The following PGAP1 variants were observed in gnomAD, a reference collection of about 807,000 sequenced individuals.
PGAP1 encodes post-GPI attachment to proteins inositol deacylase 1.
In PGAP1, 76 loss-of-function variants were observed where a neutral mutation model predicts 127.0. The observed-to-expected ratio is 0.60, with a 90% CI of 0.50 to 0.72. The LOEUF is 0.72. Among genes scored for constraint, PGAP1 ranks in the 30% least tolerant of loss-of-function variants. PGAP1 has a pLI of 0.00. For synonymous variants in PGAP1, 362 were observed against 366.5 expected, an observed-to-expected ratio of 0.99 and a Z score of 0.14; for missense variants, 982 against 1,071.3, an observed-to-expected ratio of 0.92 and a Z score of 1.16.
intron 4 of PGAP1, among the ~76,000 whole-genome samples, chr2:196,911,734 T>C (rs1702827531): frequency 6.6e-6 from 1 of 151,860 alleles, no homozygotes; most frequent in Non-Finnish European, 1.5e-5. Context: ...ATAATATTCC[T>C]ATAAGCAGTG....
chr2:196,902,754 T>TA lies in PGAP1; in HGVS notation c.650-13dup. ...AGTCGTATAAAAATCTGGTGGGGAA[T>TA]AAAAAAGAGACATTAAAAAACAGTA... On this transcript the variant is annotated splice_polypyrimidine_tract_variant and intron_variant, in intron 4 of 26. Coordinates refer to ENST00000354764, the MANE Select transcript of PGAP1 (RefSeq NM_024989.4). 1 of 1,584,224 alleles carries TA rather than the reference T, an allele frequency of 6.3e-7. No homozygotes were observed.
chr2:196,886,830 T>TG (rs1377810371), intron 10 of PGAP1, among the ~76,000 whole-genome samples: 1 of 152,006 alleles, frequency 6.6e-6, no homozygotes, highest in African/African-American at 2.4e-5. Flanking sequence ...CCAGAGTAGC[T>TG]GGGACTACAG....
chr2:196,865,846 C>T (rs1225150373), intron 19 of PGAP1, among the ~76,000 whole-genome samples: 3 of 151,994 alleles, frequency 2.0e-5, no homozygotes, highest in African/African-American at 7.3e-5. Flanking sequence ...AAACAGAGAG[C>T]CAAATCACGA....
intron 11 of PGAP1, 27 bp from the exon 12 acceptor site, chr2:196,885,502 T>C (rs770015355): frequency 7.5e-5 from 112 of 1,489,402 alleles, no homozygotes; most frequent in Non-Finnish European, 9.8e-5. Flanking sequence ...AAAATATAAT[T>C]AAAGGACAAA....
intron 6 of PGAP1, among the ~76,000 whole-genome samples, chr2:196,897,972 C>T (rs145421059): frequency 0.01 from 1,544 of 152,296 alleles, 24 homozygotes; most frequent in African/African-American, 0.035. Context: ...AATCCCAGCA[C>T]TTTGGGAGGC....
intron 3 of PGAP1, 111 bp downstream of exon 3, chr2:196,916,307 T>C: frequency 1.9e-6 from 2 of 1,045,856 alleles, no homozygotes; most frequent in Non-Finnish European, 2.5e-6. Context: ...TTGTGCCTTC[T>C]CTGCTTCAAC....
At chr2:196,912,577 C>CT (rs1224761434) in intron 4 of PGAP1, among the ~76,000 whole-genome samples, 3 of 93,268 alleles carry the variant, frequency 3.2e-5, no homozygotes, top group Non-Finnish European at 5.9e-5. Context: ...AAGACCCTGT[C>CT]TTTAAAAAAA....
At chr2:196,904,451 G>C (rs931310930) in intron 4 of PGAP1, among the ~76,000 whole-genome samples, 7 of 152,150 alleles carry the variant, frequency 4.6e-5, no homozygotes, top group African/African-American at 1.7e-4. Context: ...GAAAAGTCTA[G>C]AGGCAGCTGG....
chr2:196,844,291 T>C (rs1700498012), intron 24 of PGAP1, among the ~76,000 whole-genome samples: 1 of 152,138 alleles, frequency 6.6e-6, no homozygotes, highest in Non-Finnish European at 1.5e-5. Context: ...TATATCTAAG[T>C]AATTATTCAA....
Position 196,834,663 on chromosome 2 carries a change from A to G in PGAP1, c.*6571T>C, listed in dbSNP as rs1457575853. The G allele has an allele frequency of 6.6e-6, 1 of 152,056 alleles. No homozygotes were observed. The highest frequency in any genetic ancestry group is 1.5e-5 in the Non-Finnish European group (1 of 67,876). The allele number at this position is 152,056 out of a possible 1,614,324, so 9.4% of individuals were successfully genotyped here. A position where few individuals can be genotyped will look rare whatever the true frequency, so the allele number is the denominator to read the frequency against. The stretch of plus-strand genomic sequence containing the variant: ...TGTAACATAATTTCCTAATTTATAT[A>G]CAGTATAAATCGGGAGTTTTTTTTC... On this transcript the variant is annotated 3_prime_UTR_variant, in exon 27 of 27. Coordinates refer to ENST00000354764, the MANE Select transcript of PGAP1 (RefSeq NM_024989.4).
At chr2:196,869,621 ACCGCAC>A (rs1382619741) in intron 19 of PGAP1, among the ~76,000 whole-genome samples, 1 of 152,224 alleles carries the variant, frequency 6.6e-6, no homozygotes, top group Non-Finnish European at 1.5e-5. Context: ...GGCGTGAGCC[ACCGCAC>A]CCGGCCCAAC....
intron 3 of PGAP1, among the ~76,000 whole-genome samples, chr2:196,916,080 T>TACTGTAAA (rs1318374882): frequency 6.6e-6 from 1 of 152,204 alleles, no homozygotes; most frequent in Non-Finnish European, 1.5e-5. Context: ...TACAGTTGTT[T>TACTGTAAA]ACATATGCAG....
intron 2 of PGAP1, among the ~76,000 whole-genome samples, chr2:196,916,901 A>G (rs1289770369): frequency 6.6e-6 from 1 of 152,230 alleles, no homozygotes; most frequent in African/African-American, 2.4e-5. Context: ...TCTTTGAAGA[A>G]TAAGACATAT....
intron 1 of PGAP1, chr2:196,922,220 A>G (rs1483095969): frequency 1.6e-6 from 2 of 1,278,378 alleles, no homozygotes; most frequent in Non-Finnish European, 2.1e-6. Context: ...ATTCTAATAA[A>G]CTCCCAGGTA....
intron 19 of PGAP1, among the ~76,000 whole-genome samples, chr2:196,868,204 T>G (rs1438386909): frequency 6.6e-6 from 1 of 152,210 alleles, no homozygotes; most frequent in East Asian, 1.9e-4. Flanking sequence ...CACACTTGCA[T>G]AAGGCATTTG....
intron 24 of PGAP1, 31 bp downstream of exon 24, chr2:196,844,493 A>C (rs773948517): frequency 6.6e-7 from 1 of 1,517,702 alleles, no homozygotes; most frequent in South Asian, 1.3e-5. Flanking sequence ...TTCATTTTAA[A>C]TTTATGTAGA....
At chr2:196,871,047 G>T in intron 18 of PGAP1, 68 bp from the exon 19 acceptor site, 1 of 1,105,146 alleles carries the variant, frequency 9.0e-7, no homozygotes, top group South Asian at 1.3e-5. Context: ...TTATTAAATT[G>T]AGCACTTATG....
chr2:196,883,295 C>T (rs1184244367), intron 12 of PGAP1, among the ~76,000 whole-genome samples: 2 of 152,260 alleles, frequency 1.3e-5, no homozygotes, highest in African/African-American at 4.8e-5. Flanking sequence ...CCAATGTGGG[C>T]AAGGAGGACA....
chr2:196,924,928 T>G (rs76454193), intron 1 of PGAP1, among the ~76,000 whole-genome samples: 174 of 152,332 alleles, frequency 1.1e-3, no homozygotes, highest in African/African-American at 4.0e-3. Flanking sequence ...ACAAAATGAT[T>G]TTAACCAAAC....
Sources: allele counts gnomAD v4.1 joint callset (sites outside exome capture counted in the v4.1 genomes callset), GRCh38; gene constraint gnomAD v4.1.1; transcripts MANE v1.5; gene names NCBI Gene and HGNC (gene_info 2026-07-23, HGNC 2026-07-21).